Variants in MED12L observed in about 807,000 individuals in gnomAD.
MED12L encodes mediator complex subunit 12L, also known as mediator of RNA polymerase II transcription subunit 12-like protein.
MED12L carries 60 observed loss-of-function variants against 281.3 expected under a neutral mutation model. That is an observed-to-expected ratio of 0.21 (90% CI 0.17 to 0.26). The LOEUF (loss-of-function observed/expected upper bound fraction) is 0.26. Among genes scored for constraint, MED12L ranks in the 10% least tolerant of loss-of-function variants. The probability of loss-of-function intolerance (pLI) is 1.00; values close to 1 mark genes in which losing one functional copy is unlikely to be tolerated. For synonymous variants in MED12L, 974 were observed against 987.2 expected (o/e 0.99, Z 0.25); for missense variants, 2,146 against 2,680.9 (o/e 0.80, Z 4.41).
intron 16 of MED12L, among the ~76,000 whole-genome samples, chr3:151,248,588 A>G (rs1209521140): frequency 6.6e-6 from 1 of 152,168 alleles, no homozygotes; most frequent in Non-Finnish European, 1.5e-5. Flanking sequence ...TGTCTGGATA[A>G]TAAGTATTTT....
Position 151,087,031 on chromosome 3 carries a change from G to T in MED12L, c.99+6G>T. 1 of 1,598,948 alleles carries T rather than the reference G, an allele frequency of 6.3e-7. No individual in the cohort carries two copies. The highest frequency in any genetic ancestry group is 2.3e-5 in the East Asian group (1 of 44,114). On this transcript the variant is annotated splice_donor_region_variant and intron_variant, in intron 2 of 44. Transcript: ENST00000687756. Reference sequence around the variant, plus strand: ...AGGACCCCAAGCAGAAGGAGGTAAGGGCGCCGGCGGCCTCCCCGGCAACCG... The same window carrying T: ...AGGACCCCAAGCAGAAGGAGGTAAGTGCGCCGGCGGCCTCCCCGGCAACCG...
At position 151,378,049 on chromosome 3, in the gene MED12L, C is replaced by T; in HGVS notation, c.4354C>T (p.Leu1452Phe). 6.2e-7 allele frequency: 1 copy of T among 1,610,546 alleles called. No individual in the cohort carries two copies. The highest frequency in any genetic ancestry group is 8.5e-7 in the Non-Finnish European group (1 of 1,177,932). The change falls in exon 31 of 45, where the codon CTC becomes TTC. Residue 1452 changes from leucine to phenylalanine, a missense_variant. Transcript: ENST00000687756. ...ERRGVWLVAP[L>F]IARLPTSVQG... ...CAGGGGTGTATGGTTGGTGGCCCCC[C>T]TCATCGCCAGGTTGCCAACTTCTGT...
chr3:151,276,945 G>A (rs1741970005), intron 16 of MED12L, among the ~76,000 whole-genome samples: 1 of 152,100 alleles, frequency 6.6e-6, no homozygotes, highest in Non-Finnish European at 1.5e-5. Flanking sequence ...CGCCCAGACT[G>A]GAGTGCAGTG....
Position 151,198,444 on chromosome 3 carries a change from A to T in MED12L, c.2250+4778A>T, listed in dbSNP as rs966012952. 2 of 1,606,896 alleles carry T rather than the reference A, an allele frequency of 1.2e-6. No homozygotes were observed. The highest frequency in any genetic ancestry group is 1.7e-5 in the Admixed American group (1 of 59,200). On this transcript the variant is annotated intron_variant, in intron 16 of 44. Transcript: ENST00000687756. The stretch of plus-strand genomic sequence containing the variant: ...CCTGTCTTTTATGCATTATTTTCAC[A>T]TCTTAATTTTTCTTTCTGAGCCTTG...
chr3:151,214,648 A>C (rs915526186), intron 16 of MED12L, among the ~76,000 whole-genome samples: 1 of 148,988 alleles, frequency 6.7e-6, no homozygotes, highest in African/African-American at 2.5e-5. Context: ...TGGGCAATGA[A>C]AAGGGAAGAA....
intron 27 of MED12L, among the ~76,000 whole-genome samples, chr3:151,375,399 G>A (rs1192927382): frequency 6.6e-6 from 1 of 152,022 alleles, no homozygotes; most frequent in Non-Finnish European, 1.5e-5. Flanking sequence ...GTAAAGAAAA[G>A]GCAATAGGAG....
chr3:151,125,419 T>G (rs1714363199), intron 4 of MED12L, among the ~76,000 whole-genome samples: 1 of 152,232 alleles, frequency 6.6e-6, no homozygotes, highest in African/African-American at 2.4e-5. Flanking sequence ...GAGTTTTGTT[T>G]GCTGTCTCAT....
chr3:151,225,361 C>T (rs1229818358), intron 16 of MED12L, among the ~76,000 whole-genome samples: 1 of 152,122 alleles, frequency 6.6e-6, no homozygotes, highest in Admixed American at 6.5e-5. Flanking sequence ...GCTCATGGTT[C>T]TGGATTCTCT....
At chr3:151,389,049 T>C (rs964659220) in intron 37 of MED12L, among the ~76,000 whole-genome samples, 1 of 152,200 alleles carries the variant, frequency 6.6e-6, no homozygotes, top group African/African-American at 2.4e-5. Flanking sequence ...AGCTTGGTGA[T>C]TAATACTATT....
At chr3:151,299,118 C>T (rs1745511820) in intron 16 of MED12L, among the ~76,000 whole-genome samples, 1 of 152,182 alleles carries the variant, frequency 6.6e-6, no homozygotes, top group Admixed American at 6.5e-5. Flanking sequence ...AATAGAGTCA[C>T]ATTATGAATG....
rs573419924 is a variant in MED12L at position 151,151,031 on chromosome 3, C to CTTTTTT, written c.557-5112_557-5107dup. On this transcript the variant is annotated intron_variant, in intron 5 of 44. Transcript: ENST00000687756. The stretch of plus-strand genomic sequence containing the variant: ...ATCATTTGTATGACTGCTGAAGTAG[C>CTTTTTT]TTTTTTTTTTTTTTTTTTTTTTTGA... 9.1e-3 allele frequency among the ~76,000 whole-genome samples: 298 copies of CTTTTTT among 32,876 alleles called. 104 individuals carry two copies. The highest frequency in any genetic ancestry group is 0.035 in the African/African-American group (278 of 8,030). The allele number at this position is 32,876 out of a possible 152,430, so 21.6% of individuals were successfully genotyped here. A position where few individuals can be genotyped will look rare whatever the true frequency, so the allele number is the denominator to read the frequency against.
At position 151,435,050 on chromosome 3, in the gene MED12L, CTT is replaced by C. The variant is rs774147156; in HGVS notation, c.*2247_*2248del. Reference sequence around the variant, plus strand: ...GATTTTCTCCCTGTTAATTCTGTATCTTGAGAGGTTTCTTTTTTTTTTTTTTT... The same window carrying C: ...GATTTTCTCCCTGTTAATTCTGTATCGAGAGGTTTCTTTTTTTTTTTTTTT... On this transcript the variant is annotated 3_prime_UTR_variant, in exon 45 of 45. Transcript: ENST00000687756. The C allele has an allele frequency of 7.1e-6, 1 of 140,846 alleles. No homozygotes were observed. The highest frequency in any genetic ancestry group is 1.5e-5 in the Non-Finnish European group (1 of 66,056). The allele number at this position is 140,846 out of a possible 1,614,324, so 8.7% of individuals were successfully genotyped here.
chr3:151,212,861 C>G (rs1363953064), intron 16 of MED12L: 2 of 151,964 alleles, frequency 1.3e-5, no homozygotes, highest in Non-Finnish European at 2.9e-5. Flanking sequence ...CAAACTGTGC[C>G]TGCTTTCAAG....
intron 8 of MED12L, among the ~76,000 whole-genome samples, chr3:151,161,863 A>T (rs191083941): frequency 1.3e-5 from 2 of 152,312 alleles, no homozygotes; most frequent in East Asian, 3.9e-4. Flanking sequence ...AGAGTATTGG[A>T]GACATCTGGC....
chr3:151,224,483 G>A lies in MED12L; in HGVS notation c.2250+30817G>A, dbSNP rs533462821. On this transcript the variant is annotated intron_variant, in intron 16 of 44. Transcript: ENST00000687756. Reference sequence around the variant, plus strand: ...TTGGTGTCAATGTGATCGCCTATGCGGTTTTCATAGTATTTATGTGTCGTG... The same window carrying A: ...TTGGTGTCAATGTGATCGCCTATGCAGTTTTCATAGTATTTATGTGTCGTG... Among the ~76,000 whole-genome samples, 10 of 151,606 alleles carry A rather than the reference G, an allele frequency of 6.6e-5. 1 individual carries two copies. In the South Asian group the frequency reaches 1.0e-3, roughly 16 times the overall value.
At chr3:151,213,524 A>G in intron 16 of MED12L, 1 of 1,614,184 alleles carries the variant, frequency 6.2e-7, no homozygotes, top group South Asian at 1.1e-5. Flanking sequence ...TGGCAGCTGT[A>G]ATGAGCTTCG....
intron 16 of MED12L, among the ~76,000 whole-genome samples, chr3:151,225,047 G>A (rs1168309667): frequency 6.6e-6 from 1 of 152,056 alleles, no homozygotes; most frequent in Non-Finnish European, 1.5e-5. Flanking sequence ...CAGCCTCCTA[G>A]CTTTTCTTAC....
At chr3:151,275,725 A>G (rs1321382849) in intron 16 of MED12L, among the ~76,000 whole-genome samples, 5 of 152,212 alleles carry the variant, frequency 3.3e-5, no homozygotes, top group Admixed American at 1.3e-4. Flanking sequence ...AAAATTTAGT[A>G]AAGAGGGTTT....
chr3:151,404,166 TATTA>T (rs1716023272), intron 39 of MED12L, among the ~76,000 whole-genome samples: 1 of 152,228 alleles, frequency 6.6e-6, no homozygotes, highest in Non-Finnish European at 1.5e-5. Flanking sequence ...GTGATTTCTA[TATTA>T]ATTCAAAGTA....
Sources: allele counts gnomAD v4.1 joint callset (sites outside exome capture counted in the v4.1 genomes callset), GRCh38; gene constraint gnomAD v4.1.1; transcripts MANE v1.5; gene names NCBI Gene and HGNC (gene_info 2026-07-23, HGNC 2026-07-21).